The following RBFOX1 variants were observed in gnomAD, a reference collection of about 807,000 sequenced individuals.
RBFOX1 encodes the protein RNA binding protein fox-1 homolog 1.
In RBFOX1, 8 loss-of-function variants were observed where a neutral mutation model predicts 57.7. The observed-to-expected ratio is 0.14, with a 90% CI of 0.08 to 0.25. The LOEUF is 0.25. RBFOX1 is among the 10% of genes least tolerant of loss of function. The probability of loss-of-function intolerance (pLI) is 1.00; values close to 1 mark genes in which losing one functional copy is unlikely to be tolerated. For missense variants in RBFOX1, 611 were observed against 548.5 expected (o/e 1.11, Z -1.14); for synonymous variants, 326 against 222.4 (o/e 1.47, Z -4.15).
Position 7,566,281 on chromosome 16 carries a change from T to G in RBFOX1, c.271-13496T>G, listed in dbSNP as rs1357659528. Reference sequence around the variant, plus strand: ...TGCTTTTGATTGCTTTTTAATTGGTTGGATGAGCTAGGGCCTCATTCACCC... The same window carrying G: ...TGCTTTTGATTGCTTTTTAATTGGTGGGATGAGCTAGGGCCTCATTCACCC... On this transcript the variant is annotated intron_variant, in intron 5 of 15. Coordinates refer to ENST00000550418, the MANE Select transcript of RBFOX1 (RefSeq NM_018723.4). Among the ~76,000 whole-genome samples, 3 of 152,142 alleles carry G rather than the reference T, an allele frequency of 2.0e-5. No homozygotes were observed. In the East Asian group the frequency reaches 5.8e-4, roughly 29 times the overall value.
At chr16:7,289,509 C>T (rs2095717867) in intron 4 of RBFOX1, among the ~76,000 whole-genome samples, 1 of 151,958 alleles carries the variant, frequency 6.6e-6, no homozygotes, top group Admixed American at 6.6e-5. Flanking sequence ...TTACAGTCAC[C>T]TTCATCGTCA....
At chr16:6,601,737 G>C (rs1025096317) in intron 2 of RBFOX1, among the ~76,000 whole-genome samples, 3 of 152,006 alleles carry the variant, frequency 2.0e-5, no homozygotes, top group Admixed American at 6.6e-5. Flanking sequence ...ATTTGTTGAG[G>C]TCAAGAGCAA....
At chr16:5,978,918 G>C (rs940092477) in intron 4 of RBFOX1, among the ~76,000 whole-genome samples, 2 of 152,144 alleles carry the variant, frequency 1.3e-5, no homozygotes, top group Admixed American at 1.3e-4. Flanking sequence ...GTGGCTGCCA[G>C]CTTCTCCATT....
intron 2 of RBFOX1, among the ~76,000 whole-genome samples, chr16:6,399,386 G>T (rs185825606): frequency 6.6e-6 from 1 of 152,308 alleles, no homozygotes; most frequent in East Asian, 1.9e-4. Flanking sequence ...GCGAAATCAT[G>T]TCTCTCAAGG....
chr16:5,815,258 T>C (rs1433789771), intron 3 of RBFOX1, among the ~76,000 whole-genome samples: 1 of 147,592 alleles, frequency 6.8e-6, no homozygotes, highest in Non-Finnish European at 1.5e-5. Context: ...CCTCCCAAAG[T>C]GCTGGGATTA....
chr16:6,931,303 A>G (rs528525399), intron 3 of RBFOX1, among the ~76,000 whole-genome samples: 14 of 122,276 alleles, frequency 1.1e-4, no homozygotes, highest in East Asian at 4.9e-4. Flanking sequence ...CTGTCTATCT[A>G]TCTATCTATC....
At chr16:6,244,196 T>G (rs2097556219) in intron 1 of RBFOX1, among the ~76,000 whole-genome samples, 1 of 152,160 alleles carries the variant, frequency 6.6e-6, no homozygotes, top group Non-Finnish European at 1.5e-5. Context: ...ACATTTTTTT[T>G]TTTTTAACTA....
intron 4 of RBFOX1, among the ~76,000 whole-genome samples, chr16:6,008,026 A>G (rs764962228): frequency 3.3e-5 from 5 of 152,238 alleles, no homozygotes; most frequent in Middle Eastern, 3.4e-3. Flanking sequence ...CAACATGTTG[A>G]AACCTCATCT....
rs369969644 is a variant in RBFOX1, at chr16:7,054,154, G to T, written c.27+2056G>T. ...CTCTTTTCCTTTCACACCTGTGTCT[G>T]TAAGAGCCCTTCCATCACCTCAAAA... On this transcript the variant is annotated intron_variant, in intron 4 of 15. Transcript: ENST00000550418. 7.5e-5 allele frequency among the ~76,000 whole-genome samples: 9 copies of T among 119,628 alleles called. 1 individual carries two copies. In the East Asian group the frequency reaches 8.0e-4, roughly 11 times the overall value. The allele number at this position is 119,628 out of a possible 152,430, so 78.5% of individuals were successfully genotyped here.
At chr16:7,596,094 GTTTTT>G (rs78570087) in intron 8 of RBFOX1, among the ~76,000 whole-genome samples, 3 of 137,754 alleles carry the variant, frequency 2.2e-5, no homozygotes, top group Non-Finnish European at 3.1e-5. Context: ...TTTTTTGTTT[GTTTTT>G]TTTTGTTTGT....
chr16:6,700,270 C>G (rs761081903), intron 3 of RBFOX1, among the ~76,000 whole-genome samples: 14 of 151,862 alleles, frequency 9.2e-5, no homozygotes, highest in Admixed American at 2.6e-4. Flanking sequence ...TAGCTGAACC[C>G]AAGGCTTGTT....
At chr16:6,884,090 A>C (rs886566600) in intron 3 of RBFOX1, among the ~76,000 whole-genome samples, 3 of 152,126 alleles carry the variant, frequency 2.0e-5, no homozygotes, top group Admixed American at 6.5e-5. Context: ...TTATGCAAGC[A>C]CCTGCGATGC....
intron 3 of RBFOX1, among the ~76,000 whole-genome samples, chr16:5,729,721 C>T (rs780311692): frequency 6.6e-6 from 1 of 152,308 alleles, no homozygotes. Context: ...TTTTATTCTT[C>T]TACTCTTATC....
intron 4 of RBFOX1, among the ~76,000 whole-genome samples, chr16:7,301,510 A>G (rs1291036301): frequency 6.6e-6 from 1 of 152,228 alleles, no homozygotes; most frequent in Non-Finnish European, 1.5e-5. Context: ...TCTAATCACT[A>G]CTGAGGGGTT....
intron 4 of RBFOX1, among the ~76,000 whole-genome samples, chr16:5,949,662 T>G (rs2059480034): frequency 2.0e-5 from 3 of 152,124 alleles, no homozygotes; most frequent in Non-Finnish European, 4.4e-5. Context: ...TTACAACAAT[T>G]AACAGTTTTG....
At chr16:7,497,446 C>T (rs1339755410) in intron 4 of RBFOX1, among the ~76,000 whole-genome samples, 1 of 152,078 alleles carries the variant, frequency 6.6e-6, no homozygotes, top group African/African-American at 2.4e-5. Context: ...TCTTCTTTGC[C>T]CCCTATAATA....
chr16:6,498,084 ACTT>A (rs2095821460), intron 2 of RBFOX1, among the ~76,000 whole-genome samples: 1 of 151,768 alleles, frequency 6.6e-6, no homozygotes, highest in African/African-American at 2.4e-5. Flanking sequence ...CCCCGTCTCT[ACTT>A]AAAATGTTAT....
chr16:7,126,038 G>T (rs538779891), intron 4 of RBFOX1, among the ~76,000 whole-genome samples: 2 of 152,086 alleles, frequency 1.3e-5, no homozygotes, highest in South Asian at 2.1e-4. Flanking sequence ...AGCTGAGATC[G>T]CACCATTGCA....
At chr16:7,292,662 G>C (rs1361790074) in intron 4 of RBFOX1, among the ~76,000 whole-genome samples, 1 of 151,508 alleles carries the variant, frequency 6.6e-6, no homozygotes, top group East Asian at 1.9e-4. Flanking sequence ...TTGTCTATGA[G>C]GCATGTAAGA....
Sources: gnomAD v4.1 joint callset for allele counts (sites outside exome capture counted in the v4.1 genomes callset) on GRCh38, gnomAD v4.1.1 for gene constraint, MANE v1.5 for transcripts, NCBI Gene and HGNC (gene_info 2026-07-23, HGNC 2026-07-21) for gene names.